The following PCLO variants were observed in gnomAD, a reference collection of about 807,000 sequenced individuals.
The protein encoded by PCLO is protein piccolo.
Under a neutral mutation model 427.5 loss-of-function variants are expected in PCLO, and 82 were observed. That is an observed-to-expected ratio of 0.19 (90% CI 0.16 to 0.23). The LOEUF (loss-of-function observed/expected upper bound fraction) is 0.23. Among genes scored for constraint, PCLO ranks in the 10% least tolerant of loss-of-function variants. The pLI, the probability that PCLO is intolerant of heterozygous loss-of-function variation, is 1.00. For synonymous variants in PCLO, 2,357 were observed against 2,155.4 expected, an observed-to-expected ratio of 1.09 and a Z score of -2.59; for missense variants, 6,239 against 6,115.9, an observed-to-expected ratio of 1.02 and a Z score of -0.67.
At chr7:82,818,485 GAGGACCATGT>G (rs1186690398) in intron 20 of PCLO, among the ~76,000 whole-genome samples, 1 of 152,102 alleles carries the variant, frequency 6.6e-6, no homozygotes, top group Non-Finnish European at 1.5e-5. Flanking sequence ...CTTTAGAAAG[GAGGACCATGT>G]AGGCAGAGAG....
intron 3 of PCLO, among the ~76,000 whole-genome samples, chr7:83,034,458 GA>G (rs1788745535): frequency 6.6e-6 from 1 of 152,184 alleles, no homozygotes; most frequent in Non-Finnish European, 1.5e-5. Flanking sequence ...ACAGTGCTGG[GA>G]TTATAGGCAA....
chr7:83,045,614 T>C (rs1490258267), intron 3 of PCLO, among the ~76,000 whole-genome samples: 1 of 152,178 alleles, frequency 6.6e-6, no homozygotes, highest in Non-Finnish European at 1.5e-5. Flanking sequence ...TCAATGACCC[T>C]ATCTTTCAAT....
At chr7:82,777,084 T>C (rs1258791604) in intron 22 of PCLO, among the ~76,000 whole-genome samples, 1 of 152,130 alleles carries the variant, frequency 6.6e-6, no homozygotes, top group Admixed American at 6.5e-5. Context: ...CCAGAGATTC[T>C]GGTATGTTGT....
At chr7:83,158,147 T>G (rs1381627163) in intron 1 of PCLO, among the ~76,000 whole-genome samples, 1 of 152,046 alleles carries the variant, frequency 6.6e-6, no homozygotes, top group Non-Finnish European at 1.5e-5. Flanking sequence ...AGATTCTGAA[T>G]TTTTGAAATT....
chr7:82,879,346 G>A lies in PCLO; in HGVS notation c.13645C>T (p.Leu4549Phe). 4 of 1,608,676 alleles carry A rather than the reference G, an allele frequency of 2.5e-6. No individual in the cohort carries two copies. Among genetic ancestry groups the A allele is most frequent in the South Asian group, 1.1e-5 (1 of 90,116 alleles). Residue 4549 changes from leucine to phenylalanine, a missense_variant, in exon 10 of 25, where the codon CTT becomes TTT. Transcript: ENST00000333891. ...AATTCCTTATTCTTACCTTCCATAAGCTTCCCCGTCTGTTCCGCACTTCCC... is the reference window on the plus strand; with the variant it reads ...AATTCCTTATTCTTACCTTCCATAAACTTCCCCGTCTGTTCCGCACTTCCC... ...PGGSAEQTGKLMEGMQVLEWN... is the reference protein window; with the variant it reads ...PGGSAEQTGKFMEGMQVLEWN...
At chr7:83,024,853 C>T (rs1051299009) in intron 3 of PCLO, among the ~76,000 whole-genome samples, 7 of 152,214 alleles carry the variant, frequency 4.6e-5, no homozygotes, top group South Asian at 2.1e-4. Context: ...TACACTGACA[C>T]CTCACACGGC....
At chr7:82,987,100 C>T (rs1040715344) in intron 3 of PCLO, among the ~76,000 whole-genome samples, 12 of 151,918 alleles carry the variant, frequency 7.9e-5, no homozygotes, top group African/African-American at 2.9e-4. Context: ...ACATATAATG[C>T]ATGTAATTTG....
chr7:82,934,165 T>C (rs1389650685), intron 6 of PCLO, among the ~76,000 whole-genome samples: 1 of 151,908 alleles, frequency 6.6e-6, no homozygotes, highest in African/African-American at 2.4e-5. Flanking sequence ...GACCAGTTTA[T>C]GATAGACATT....
At chr7:82,883,964 T>C (rs1489615743) in intron 9 of PCLO, among the ~76,000 whole-genome samples, 2 of 152,050 alleles carry the variant, frequency 1.3e-5, no homozygotes, top group Non-Finnish European at 2.9e-5. Context: ...AGACAGGGGT[T>C]TTTGCCATGT....
In PCLO at chr7:82,951,920, A is replaced by T. The variant is rs769428897; in HGVS notation, c.9033T>A (p.Asn3011Lys). 3 of 1,613,872 alleles carry T rather than the reference A, an allele frequency of 1.9e-6. No individual in the cohort carries two copies. Among genetic ancestry groups the T allele is most frequent in the Non-Finnish European group, 2.5e-6 (3 of 1,179,836 alleles). The change falls in exon 5 of 25, where the codon AAT becomes AAA. Residue 3011 changes from asparagine to lysine, a missense_variant. Physicochemically the swap from Asn to Lys is moderately conservative, Grantham distance 94 (BLOSUM62 0). Around this residue, in one of 5 missense-constraint regions of PCLO, gnomAD observed 4,677 missense variants for 4,468.4 expected, o/e 1.05. Transcript: ENST00000333891. ...EAGHFFYKSKNAFDYSEGTDT... is the reference protein window; with the variant it reads ...EAGHFFYKSKKAFDYSEGTDT... ...CAGTTCCTTCAGAATAATCAAAAGC[A>T]TTCTTACTTTTATAGAAAAAATGTC...
chr7:83,160,216 G>C (rs1361529241), intron 1 of PCLO, among the ~76,000 whole-genome samples: 1 of 152,114 alleles, frequency 6.6e-6, no homozygotes, highest in African/African-American at 2.4e-5. Flanking sequence ...TTATTTAAAG[G>C]CAAGGAACAT....
intron 10 of PCLO, among the ~76,000 whole-genome samples, chr7:82,875,943 C>T (rs1793358722): frequency 6.6e-6 from 1 of 152,010 alleles, no homozygotes; most frequent in Non-Finnish European, 1.5e-5. Flanking sequence ...GAAAAGAGTA[C>T]ACTCTAAGAA....
intron 4 of PCLO, among the ~76,000 whole-genome samples, chr7:82,958,104 G>A (rs1032462960): frequency 2.6e-5 from 4 of 152,148 alleles, no homozygotes; most frequent in African/African-American, 4.8e-5. Flanking sequence ...GAGGGGTTAG[G>A]GGAACAGCTG....
At chr7:82,802,889 A>G (rs1183184914) in intron 21 of PCLO, among the ~76,000 whole-genome samples, 1 of 152,170 alleles carries the variant, frequency 6.6e-6, no homozygotes, top group African/African-American at 2.4e-5. Flanking sequence ...AAATTCAGAA[A>G]TTATTTTATC....
intron 1 of PCLO, among the ~76,000 whole-genome samples, chr7:83,160,632 T>C (rs2116707569): frequency 6.6e-6 from 1 of 152,220 alleles, no homozygotes; most frequent in Middle Eastern, 3.4e-3. Context: ...TCCATCATAA[T>C]AAAATTATCA....
chr7:82,841,490 ACCT>A lies in PCLO; in HGVS notation c.14063_14065del (p.Lys4688_Val4689delinsIle). The A allele has an allele frequency of 6.3e-7, 1 of 1,595,554 alleles. No individual in the cohort carries two copies. The highest frequency in any genetic ancestry group is 2.2e-5 in the East Asian group (1 of 44,536). ...TTCTCCTGTAATTGGATGAGAGACA[ACCT>A]TTGTTCCATCGGTAGGCTGTAATAT... On this transcript the variant is annotated inframe_deletion, in exon 14 of 25. Transcript: ENST00000333891.
chr7:83,014,582 T>A (rs1459362596), intron 3 of PCLO, among the ~76,000 whole-genome samples: 2 of 151,872 alleles, frequency 1.3e-5, no homozygotes, highest in Non-Finnish European at 1.5e-5. Flanking sequence ...GGATGGCTGT[T>A]CAACATTGCA....
intron 9 of PCLO, among the ~76,000 whole-genome samples, chr7:82,884,474 T>C (rs1273784418): frequency 6.6e-6 from 1 of 152,166 alleles, no homozygotes; most frequent in Non-Finnish European, 1.5e-5. Context: ...ACCAAGAAAA[T>C]TTGTCAGGAC....
At chr7:82,994,677 A>G (rs1390238848) in intron 3 of PCLO, among the ~76,000 whole-genome samples, 2 of 151,864 alleles carry the variant, frequency 1.3e-5, no homozygotes, top group Admixed American at 1.3e-4. Context: ...AATGCATAAT[A>G]ATCACATCAT....
Sources: allele counts gnomAD v4.1 joint callset (sites outside exome capture counted in the v4.1 genomes callset), GRCh38; gene constraint gnomAD v4.1.1; regional missense constraint gnomAD v4.1.1; transcripts MANE v1.5; gene names NCBI Gene and HGNC (gene_info 2026-07-23, HGNC 2026-07-21).